COMMD1: variants seen among roughly 807,000 people sequenced by gnomAD.
COMMD1 encodes the protein copper metabolism domain containing 1, also known as COMM domain-containing protein 1.
COMMD1 carries 10 observed loss-of-function variants against 17.2 expected under a neutral mutation model. That is an observed-to-expected ratio of 0.58 (90% CI 0.36 to 0.99). The LOEUF (loss-of-function observed/expected upper bound fraction) is 0.99. Among genes scored for constraint, COMMD1 ranks in the 50% least tolerant of loss-of-function variants. COMMD1 has a pLI of 0.01. For synonymous variants in COMMD1, 97 were observed against 91.6 expected (o/e 1.06, Z -0.34); for missense variants, 270 against 231.8 (o/e 1.17, Z -1.07).
chr2:62,048,183 T>C (rs1163551882), intron 2 of COMMD1, among the ~76,000 whole-genome samples: 1 of 53,730 alleles, frequency 1.9e-5, no homozygotes, highest in Non-Finnish European at 3.4e-5. Context: ...ACTAAATTTC[T>C]TTTTTTTTTT....
chr2:61,915,942 G>A (rs150710668), intron 1 of COMMD1, among the ~76,000 whole-genome samples: 128 of 151,988 alleles, frequency 8.4e-4, no homozygotes, highest in African/African-American at 3.0e-3. Flanking sequence ...AAAGTGCTGG[G>A]ATTACAGGCA....
At chr2:62,017,664 C>G (rs1334399536) in intron 2 of COMMD1, among the ~76,000 whole-genome samples, 3 of 149,664 alleles carry the variant, frequency 2.0e-5, no homozygotes, top group Admixed American at 6.6e-5. Context: ...GAGTGAGACC[C>G]TGTCTCCAAA....
chr2:62,068,415 C>G (rs1314588237), intron 2 of COMMD1, among the ~76,000 whole-genome samples: 3 of 152,034 alleles, frequency 2.0e-5, no homozygotes, highest in Non-Finnish European at 4.4e-5. Context: ...TGGAGTTAGG[C>G]AAAGAATTCT....
At chr2:62,031,737 CT>C (rs1450738940) in intron 2 of COMMD1, among the ~76,000 whole-genome samples, 2 of 152,060 alleles carry the variant, frequency 1.3e-5, no homozygotes, top group Non-Finnish European at 2.9e-5. Context: ...TTATCAGTGG[CT>C]TTTAAAATAA....
intron 1 of COMMD1, among the ~76,000 whole-genome samples, chr2:61,893,630 G>A (rs552096599): frequency 9.2e-5 from 14 of 152,088 alleles, no homozygotes; most frequent in Admixed American, 5.9e-4. Flanking sequence ...CCTGGCCAAC[G>A]TGGTGAAACC....
intron 1 of COMMD1, among the ~76,000 whole-genome samples, chr2:61,990,462 G>C (rs1440076599): frequency 6.6e-6 from 1 of 152,172 alleles, no homozygotes. Context: ...TGAGGCGGAA[G>C]GACTGCTTTG....
intron 1 of COMMD1, among the ~76,000 whole-genome samples, chr2:61,923,625 C>G (rs1670251744): frequency 6.6e-6 from 1 of 152,010 alleles, no homozygotes; most frequent in Non-Finnish European, 1.5e-5. Flanking sequence ...TCACTGTGAA[C>G]CATGTGAGAT....
chr2:61,943,115 GAGAT>G (rs1292961443), intron 1 of COMMD1, among the ~76,000 whole-genome samples: 12 of 152,172 alleles, frequency 7.9e-5, no homozygotes, highest in African/African-American at 1.9e-4. Flanking sequence ...AGAAAGCAGA[GAGAT>G]AGAGAACTTA....
chr2:62,013,963 A>G (rs569357597), intron 2 of COMMD1, among the ~76,000 whole-genome samples: 1 of 152,360 alleles, frequency 6.6e-6, no homozygotes, highest in South Asian at 2.1e-4. Flanking sequence ...ACTTACAGAG[A>G]GATGCACTTG....
At chr2:62,089,433 G>A (rs937220287) in intron 2 of COMMD1, among the ~76,000 whole-genome samples, 3 of 151,734 alleles carry the variant, frequency 2.0e-5, no homozygotes, top group African/African-American at 4.8e-5. Context: ...TTACAAGCGC[G>A]CTACCACATC....
chr2:61,898,351 C>T (rs926620423), intron 1 of COMMD1, among the ~76,000 whole-genome samples: 1 of 152,162 alleles, frequency 6.6e-6, no homozygotes, highest in Non-Finnish European at 1.5e-5. Flanking sequence ...TGGCACACAT[C>T]TGTAGTCCCA....
intron 1 of COMMD1, among the ~76,000 whole-genome samples, chr2:61,918,819 C>G (rs548625900): frequency 2.0e-5 from 3 of 152,098 alleles, no homozygotes; most frequent in African/African-American, 7.2e-5. Flanking sequence ...GAAAAAAAAT[C>G]ATGATTTTTT....
intron 1 of COMMD1, among the ~76,000 whole-genome samples, chr2:61,948,563 T>A (rs1191030872): frequency 6.6e-6 from 1 of 152,226 alleles, no homozygotes; most frequent in East Asian, 1.9e-4. Context: ...TCTAAAAATT[T>A]AGTCTTTAGT....
At chr2:62,064,725 C>CT (rs1483301254) in intron 2 of COMMD1, among the ~76,000 whole-genome samples, 3 of 152,056 alleles carry the variant, frequency 2.0e-5, no homozygotes, top group Admixed American at 1.3e-4. Flanking sequence ...GGCCCTCTTG[C>CT]TTTTTTTGTG....
rs568887674 is a variant in COMMD1 at position 62,081,073 on chromosome 2, G to T, written c.463-54758G>T. On this transcript the variant is annotated intron_variant, in intron 2 of 2. Coordinates refer to ENST00000311832, the MANE Select transcript of COMMD1 (RefSeq NM_152516.4). The stretch of plus-strand genomic sequence containing the variant: ...TTAGATACTGGTGCTTTTGTTTTTT[G>T]ATTTTAGGATTAGGATTTCTGTTGC... Among the ~76,000 whole-genome samples, 4 of 151,562 alleles carry T rather than the reference G, an allele frequency of 2.6e-5. No homozygotes were observed. In the East Asian group the frequency reaches 7.7e-4, roughly 29 times the overall value.
intron 1 of COMMD1, among the ~76,000 whole-genome samples, chr2:61,930,127 G>A (rs147879953): frequency 2.0e-5 from 3 of 152,242 alleles, no homozygotes; most frequent in African/African-American, 7.2e-5. Context: ...TCTGAGAGGG[G>A]GAAGCCAGCT....
At chr2:62,116,676 CAAAAA>C (rs70962759) in intron 2 of COMMD1, among the ~76,000 whole-genome samples, 4 of 28,538 alleles carry the variant, frequency 1.4e-4, no homozygotes, top group Non-Finnish European at 2.4e-4. Flanking sequence ...TGTCTCATTA[CAAAAA>C]AAAAAAAAAA....
At chr2:62,103,273 G>T (rs891280594) in intron 2 of COMMD1, among the ~76,000 whole-genome samples, 3 of 152,164 alleles carry the variant, frequency 2.0e-5, no homozygotes, top group Non-Finnish European at 4.4e-5. Flanking sequence ...ACTGCGCCCG[G>T]CCTCCAATCG....
intron 1 of COMMD1, among the ~76,000 whole-genome samples, chr2:61,906,252 C>T (rs909419134): frequency 4.6e-5 from 7 of 152,182 alleles, no homozygotes; most frequent in African/African-American, 1.7e-4. Context: ...CCAGTGTCTG[C>T]TGGATAAGGG....
Sources: allele counts gnomAD v4.1 joint callset (sites outside exome capture counted in the v4.1 genomes callset), GRCh38; gene constraint gnomAD v4.1.1; transcripts MANE v1.5; gene names NCBI Gene and HGNC (gene_info 2026-07-23, HGNC 2026-07-21).